The following ITFG1 variants were observed in gnomAD, a reference collection of about 807,000 sequenced individuals.
ITFG1 encodes T-cell immunomodulatory protein.
In ITFG1, 34 loss-of-function variants were observed where a neutral mutation model predicts 81.8. The ratio of observed to expected loss-of-function variants is 0.42; its 90% CI spans 0.32 to 0.55. The LOEUF (loss-of-function observed/expected upper bound fraction) is 0.55, where lower values mean the gene tolerates loss of function less well. Among genes scored for constraint, ITFG1 ranks in the 20% least tolerant of loss-of-function variants. The probability of loss-of-function intolerance (pLI) is 0.17; values close to 1 mark genes in which losing one functional copy is unlikely to be tolerated. For missense variants in ITFG1, 672 were observed against 755.4 expected (o/e 0.89, Z 1.29); for synonymous variants, 285 against 270.6 (o/e 1.05, Z -0.52).
At chr16:47,249,830 T>G (rs1966047981) in intron 12 of ITFG1, among the ~76,000 whole-genome samples, 1 of 152,206 alleles carries the variant, frequency 6.6e-6, no homozygotes, top group Admixed American at 6.5e-5. Flanking sequence ...TATTAGCTAT[T>G]TCACACAAAT....
At chr16:47,197,404 T>C (rs1213684134) in intron 14 of ITFG1, among the ~76,000 whole-genome samples, 1 of 152,262 alleles carries the variant, frequency 6.6e-6, no homozygotes, top group Non-Finnish European at 1.5e-5. Context: ...CACAAAGTCT[T>C]TGAATCCACC....
At chr16:47,183,131 G>A (rs995862856) in intron 14 of ITFG1, among the ~76,000 whole-genome samples, 7 of 152,216 alleles carry the variant, frequency 4.6e-5, no homozygotes, top group East Asian at 1.9e-4. Flanking sequence ...AGGGTCCTAC[G>A]CCCACGGAGT....
chr16:47,245,970 G>C (rs1596832641), intron 12 of ITFG1, among the ~76,000 whole-genome samples: 1 of 152,132 alleles, frequency 6.6e-6, no homozygotes, highest in African/African-American at 2.4e-5. Flanking sequence ...ACTCATTTAA[G>C]GAACACATTA....
intron 16 of ITFG1, among the ~76,000 whole-genome samples, chr16:47,160,715 C>G (rs1964790425): frequency 6.6e-6 from 1 of 152,102 alleles, no homozygotes; most frequent in Non-Finnish European, 1.5e-5. Context: ...TAAAATGCAT[C>G]TGCTGGTATG....
intron 14 of ITFG1, among the ~76,000 whole-genome samples, chr16:47,183,098 C>T (rs778885195): frequency 6.6e-6 from 1 of 152,250 alleles, no homozygotes; most frequent in Non-Finnish European, 1.5e-5. Context: ...TTATATCCCG[C>T]ATCTGGCTCG....
intron 14 of ITFG1, among the ~76,000 whole-genome samples, chr16:47,201,719 ATAT>A (rs1229359842): frequency 5.9e-5 from 9 of 152,188 alleles, no homozygotes; most frequent in Admixed American, 5.2e-4. Context: ...GGCACTCTAT[ATAT>A]GTTATCTTAC....
intron 10 of ITFG1, among the ~76,000 whole-genome samples, chr16:47,272,350 G>A (rs949184639): frequency 5.3e-5 from 8 of 152,128 alleles, no homozygotes; most frequent in African/African-American, 1.9e-4. Context: ...TCTTTTTAGG[G>A]TAATAAAATG....
intron 5 of ITFG1, 25 bp downstream of exon 5, chr16:47,451,371 C>T: frequency 8.1e-7 from 1 of 1,230,194 alleles, no homozygotes; most frequent in South Asian, 1.3e-5. Context: ...CGATTAATTA[C>T]ATAGTTATAA....
intron 5 of ITFG1, among the ~76,000 whole-genome samples, chr16:47,444,379 G>T (rs866850987): frequency 6.6e-6 from 1 of 152,114 alleles, no homozygotes; most frequent in African/African-American, 2.4e-5. Flanking sequence ...GTAAATTTAT[G>T]TGCATAGTCA....
chr16:47,305,546 A>G (rs1451587153), intron 10 of ITFG1, among the ~76,000 whole-genome samples: 3 of 152,172 alleles, frequency 2.0e-5, no homozygotes, highest in African/African-American at 7.2e-5. Flanking sequence ...CAAAAATAAC[A>G]AATAGAAATT....
intron 14 of ITFG1, among the ~76,000 whole-genome samples, chr16:47,199,641 T>C (rs868221310): frequency 2.0e-5 from 3 of 152,272 alleles, no homozygotes; most frequent in African/African-American, 4.8e-5. Context: ...CAGGAACTGG[T>C]TTTGTGGAAG....
intron 12 of ITFG1, among the ~76,000 whole-genome samples, chr16:47,251,185 T>C (rs960849474): frequency 3.1e-4 from 47 of 152,222 alleles, no homozygotes; most frequent in African/African-American, 1.0e-3. Flanking sequence ...AGAGAGCCTG[T>C]CGACACCCTC....
chr16:47,365,537 T>C (rs543796795), intron 8 of ITFG1: 2 of 364,702 alleles, frequency 5.5e-6, no homozygotes, highest in South Asian at 7.7e-5. Context: ...AGTAGTTTTC[T>C]TGTTTTGCAT....
At chr16:47,303,140 G>A (rs1166883178) in intron 10 of ITFG1, among the ~76,000 whole-genome samples, 1 of 151,894 alleles carries the variant, frequency 6.6e-6, no homozygotes, top group Non-Finnish European at 1.5e-5. Context: ...GAATGGTGGC[G>A]GGCGCCTGTA....
intron 6 of ITFG1, among the ~76,000 whole-genome samples, chr16:47,406,069 A>T (rs570804850): frequency 6.6e-6 from 1 of 152,230 alleles, no homozygotes; most frequent in African/African-American, 2.4e-5. Context: ...CTTATCAGAG[A>T]ACATAATGAT....
Position 47,425,516 on chromosome 16 carries a change from G to A in ITFG1, c.655+3288C>T, listed in dbSNP as rs555954102. The stretch of plus-strand genomic sequence containing the variant: ...TCAGTTGGAAATGCACAAATCACCC[G>A]TCTTCTGCGTTGATCTCACTGGGAG... On this transcript the variant is annotated intron_variant, in intron 6 of 17. Coordinates refer to ENST00000320640, the MANE Select transcript of ITFG1 (RefSeq NM_030790.5). 1.5e-3 allele frequency among the ~76,000 whole-genome samples: 227 copies of A among 151,540 alleles called. 3 individuals carry two copies. Among genetic ancestry groups the A allele is most frequent in the Non-Finnish European group, 2.6e-3 (177 of 67,956 alleles).
chr16:47,177,809 G>A (rs1404442938), intron 14 of ITFG1, among the ~76,000 whole-genome samples: 3 of 152,272 alleles, frequency 2.0e-5, no homozygotes, highest in African/African-American at 7.2e-5. Flanking sequence ...GTGATGAAAT[G>A]TATTACTGCA....
At chr16:47,387,464 T>G (rs1968476807) in intron 6 of ITFG1, among the ~76,000 whole-genome samples, 2 of 152,166 alleles carry the variant, frequency 1.3e-5, no homozygotes, top group African/African-American at 4.8e-5. Flanking sequence ...GTGCCCTATA[T>G]CTGGGCAAGC....
At chr16:47,275,456 A>T (rs527692529) in intron 10 of ITFG1, among the ~76,000 whole-genome samples, 1 of 152,196 alleles carries the variant, frequency 6.6e-6, no homozygotes, top group Non-Finnish European at 1.5e-5. Context: ...TCACACAAGC[A>T]TAGCTTCTCA....
Sources: allele counts gnomAD v4.1 joint callset (sites outside exome capture counted in the v4.1 genomes callset), GRCh38; gene constraint gnomAD v4.1.1; transcripts MANE v1.5; gene names NCBI Gene and HGNC (gene_info 2026-07-23, HGNC 2026-07-21).